The following NRXN1 variants were observed in gnomAD, a reference collection of about 807,000 sequenced individuals.
NRXN1 encodes the protein neurexin-1.
In NRXN1, 39 loss-of-function variants were observed where a neutral mutation model predicts 150.9. The ratio of observed to expected loss-of-function variants is 0.26; its 90% CI spans 0.20 to 0.34. The LOEUF is 0.34. Among genes scored for constraint, NRXN1 ranks in the 10% least tolerant of loss-of-function variants. The pLI, the probability that NRXN1 is intolerant of heterozygous loss-of-function variation, is 1.00. For synonymous variants in NRXN1, 924 were observed against 757.0 expected (o/e 1.22, Z -3.62); for missense variants, 1,815 against 1,949.9 (o/e 0.93, Z 1.30).
intron 19 of NRXN1, among the ~76,000 whole-genome samples, chr2:50,088,177 C>T (rs1699063087): frequency 6.6e-6 from 1 of 152,108 alleles, no homozygotes. Flanking sequence ...CTCGTATTTA[C>T]AATCACCGTG....
intron 2 of NRXN1, among the ~76,000 whole-genome samples, chr2:50,934,227 A>AT (rs986043488): frequency 1.3e-5 from 2 of 152,194 alleles, no homozygotes; most frequent in Admixed American, 6.5e-5. Flanking sequence ...CAATAAAAAT[A>AT]TTTTTTCTAC....
At chr2:50,246,172 A>G (rs1333602063) in intron 17 of NRXN1, among the ~76,000 whole-genome samples, 2 of 151,980 alleles carry the variant, frequency 1.3e-5, no homozygotes, top group African/African-American at 4.8e-5. Context: ...TATTGTAAAC[A>G]TCCTCTCTAA....
chr2:50,258,193 A>G lies in NRXN1; in HGVS notation c.3365-21223T>C, dbSNP rs923540424. On this transcript the variant is annotated intron_variant, in intron 17 of 22. Coordinates refer to ENST00000401669, the MANE Select transcript of NRXN1 (RefSeq NM_001330078.2). ...TGCTGCATCAAATGACTCTACACAA[A>G]AGTTTTCTCCATAGCATACAATGCT... Among the ~76,000 whole-genome samples the G allele has an allele frequency of 5.3e-5, 8 of 151,964 alleles. No individual in the cohort carries two copies. The Admixed American group carries it at 5.3e-4, about 10-fold the overall frequency.
intron 2 of NRXN1, among the ~76,000 whole-genome samples, chr2:50,935,586 G>C (rs183150496): frequency 6.6e-6 from 1 of 152,072 alleles, no homozygotes; most frequent in Non-Finnish European, 1.5e-5. Context: ...AATTAGCCAG[G>C]CATGGTGGCA....
chr2:49,944,601 A>T (rs990878926), intron 21 of NRXN1, among the ~76,000 whole-genome samples: 1 of 152,168 alleles, frequency 6.6e-6, no homozygotes, highest in African/African-American at 2.4e-5. Context: ...CACATAATCA[A>T]CACACTGATA....
intron 2 of NRXN1, among the ~76,000 whole-genome samples, chr2:50,973,805 T>A (rs1695400884): frequency 6.6e-6 from 1 of 152,140 alleles, no homozygotes; most frequent in African/African-American, 2.4e-5. Context: ...GCTTCATATT[T>A]TTTATTTATC....
intron 15 of NRXN1, among the ~76,000 whole-genome samples, chr2:50,487,045 T>A (rs1339632065): frequency 6.6e-6 from 1 of 152,190 alleles, no homozygotes; most frequent in Non-Finnish European, 1.5e-5. Flanking sequence ...TCTGGTGAGA[T>A]GCTTAACCTC....
chr2:50,237,871 A>G (rs1451385463), intron 17 of NRXN1, among the ~76,000 whole-genome samples: 1 of 151,960 alleles, frequency 6.6e-6, no homozygotes, highest in Non-Finnish European at 1.5e-5. Context: ...GTGGAAGGTG[A>G]TGGGATCATG....
chr2:50,650,886 A>C (rs956315152), intron 5 of NRXN1, among the ~76,000 whole-genome samples: 12 of 152,086 alleles, frequency 7.9e-5, no homozygotes, highest in Non-Finnish European at 1.6e-4. Flanking sequence ...TTGAATATAA[A>C]AAAGTATAAA....
intron 18 of NRXN1, among the ~76,000 whole-genome samples, chr2:50,206,774 C>A (rs1036271237): frequency 6.6e-6 from 1 of 150,676 alleles, no homozygotes. Flanking sequence ...TTATATATAA[C>A]ATATATAGTA....
At chr2:50,901,847 G>A (rs1040389829) in intron 5 of NRXN1, among the ~76,000 whole-genome samples, 10 of 152,118 alleles carry the variant, frequency 6.6e-5, no homozygotes, top group African/African-American at 2.2e-4. Context: ...CACTAAATAG[G>A]TTTTCAAGCT....
At chr2:50,562,972 A>T (rs1306142122) in intron 8 of NRXN1, among the ~76,000 whole-genome samples, 1 of 152,176 alleles carries the variant, frequency 6.6e-6, no homozygotes, top group Admixed American at 6.5e-5. Flanking sequence ...AACATTATAA[A>T]CATCTCATGT....
chr2:50,217,402 C>G (rs927200831), intron 18 of NRXN1, among the ~76,000 whole-genome samples: 4 of 151,648 alleles, frequency 2.6e-5, no homozygotes, highest in African/African-American at 9.7e-5. Context: ...GTATCTGTGC[C>G]CATTGACAGT....
chr2:50,559,994 T>C (rs977461491), intron 8 of NRXN1, among the ~76,000 whole-genome samples: 8 of 152,208 alleles, frequency 5.3e-5, no homozygotes, highest in Non-Finnish European at 4.4e-5. Context: ...TATTTTATGA[T>C]TAAATGAAAG....
At chr2:50,719,818 G>A (rs115077801) in intron 5 of NRXN1, among the ~76,000 whole-genome samples, 2,574 of 152,156 alleles carry the variant, frequency 0.017, 78 homozygotes, top group African/African-American at 0.058. Context: ...ATCCTGAAAG[G>A]CTTCCTTAGG....
chr2:51,022,235 C>T (rs1210872944), intron 2 of NRXN1, among the ~76,000 whole-genome samples: 2 of 152,066 alleles, frequency 1.3e-5, no homozygotes, highest in Non-Finnish European at 2.9e-5. Context: ...GTGCCAGGCA[C>T]TAATCTAAGA....
intron 21 of NRXN1, chr2:49,972,765 G>A (rs1040558289): frequency 6.6e-6 from 1 of 152,168 alleles, no homozygotes. Flanking sequence ...TGTCACCACA[G>A]ATATGACATT....
chr2:50,285,894 A>G (rs752560001), intron 17 of NRXN1, among the ~76,000 whole-genome samples: 4 of 152,048 alleles, frequency 2.6e-5, no homozygotes, highest in Non-Finnish European at 5.9e-5. Context: ...AAAAATAGCA[A>G]TGCATGATGG....
intron 8 of NRXN1, among the ~76,000 whole-genome samples, chr2:50,570,813 A>T (rs1277856062): frequency 6.6e-6 from 1 of 152,182 alleles, no homozygotes; most frequent in Non-Finnish European, 1.5e-5. Flanking sequence ...GTGCTGCTAC[A>T]GACTGTAGGA....
Sources: allele counts gnomAD v4.1 joint callset (sites outside exome capture counted in the v4.1 genomes callset), GRCh38; gene constraint gnomAD v4.1.1; transcripts MANE v1.5; gene names NCBI Gene and HGNC (gene_info 2026-07-23, HGNC 2026-07-21).